The following FAM91A1 variants were observed in gnomAD, a reference collection of about 807,000 sequenced individuals.
FAM91A1 encodes the protein protein FAM91A1.
Under a neutral mutation model 113.5 loss-of-function variants are expected in FAM91A1, and 41 were observed. The observed-to-expected ratio is 0.36, with a 90% confidence interval of 0.28 to 0.47. The LOEUF (loss-of-function observed/expected upper bound fraction) is 0.47, where lower values mean the gene tolerates loss of function less well. FAM91A1 is among the 20% of genes least tolerant of loss of function. The pLI is 1.00. For missense variants in FAM91A1, 696 were observed against 1,001.2 expected (o/e 0.70, Z 4.11); for synonymous variants, 307 against 347.9 (o/e 0.88, Z 1.31).
Position 123,777,887 on chromosome 8 carries a change from T to G in FAM91A1, c.368-138T>G, listed in dbSNP as rs920261156. The G allele has an allele frequency of 4.6e-6, 3 of 657,088 alleles. No homozygotes were observed. The African/African-American group carries it at 5.7e-5, about 12-fold the overall frequency. The allele number at this position is 657,088 out of a possible 1,614,324, so 40.7% of individuals were successfully genotyped here. On this transcript the variant is annotated intron_variant, in intron 4 of 23. Coordinates refer to ENST00000334705, the MANE Select transcript of FAM91A1 (RefSeq NM_144963.4). ...TTCATTTATGTTTTGGTTGAAGACG[T>G]CCTTTTAATTTGATATTGATATTTG...
At chr8:123,776,335 G>A (rs1025299271) in intron 3 of FAM91A1, among the ~76,000 whole-genome samples, 2 of 152,232 alleles carry the variant, frequency 1.3e-5, no homozygotes, top group Non-Finnish European at 2.9e-5. Flanking sequence ...AAGGAGTTGG[G>A]AACGTGTGGT....
intron 3 of FAM91A1, among the ~76,000 whole-genome samples, chr8:123,775,501 G>A (rs907479668): frequency 2.4e-4 from 37 of 152,244 alleles, no homozygotes; most frequent in Non-Finnish European, 5.1e-4. Flanking sequence ...TTTTTACATT[G>A]GGAAGCTGTC....
chr8:123,785,180 A>G, intron 10 of FAM91A1, 61 bp downstream of exon 10: 5 of 1,310,184 alleles, frequency 3.8e-6, no homozygotes, highest in Non-Finnish European at 5.3e-6. Context: ...TTACTAGTAG[A>G]TTTTTATCTT....
rs1321541262 is a variant in FAM91A1, at chr8:123,805,263, T to G, written c.1810-4T>G. The G allele has an allele frequency of 1.9e-6, 3 of 1,608,768 alleles. No homozygotes were observed. The highest frequency in any genetic ancestry group is 4.5e-5 in the East Asian group (2 of 44,762). On this transcript the variant is annotated splice_region_variant and splice_polypyrimidine_tract_variant and intron_variant, in intron 18 of 23. Transcript: ENST00000334705. ...TATACCTTTTAACTTTTGTTTATGT[T>G]TAGGGGCATGGTCTGCATGGGATAG...
Position 123,809,008 on chromosome 8 carries a change from A to G in FAM91A1, c.2253A>G (p.Arg751=), listed in dbSNP as rs1316904998. The change falls in exon 22 of 24, where the codon AGA becomes AGG. Residue 751 remains arginine, a synonymous_variant. Transcript: ENST00000334705. The part of the protein sequence containing the change: ...CRKIAAHGLC[R]KESLQNLLHS... Reference sequence around the variant, plus strand: ...AAATTGCTGCACATGGCCTTTGCAGAAAAGAGAGGTGAGGGTTTATATTCG... The same window carrying G: ...AAATTGCTGCACATGGCCTTTGCAGGAAAGAGAGGTGAGGGTTTATATTCG... 1.9e-6 allele frequency: 3 copies of G among 1,612,396 alleles called. No individual in the cohort carries two copies. Among genetic ancestry groups the G allele is most frequent in the Admixed American group, 1.7e-5 (1 of 59,934 alleles).
chr8:123,778,932 G>C (rs1257782689), intron 6 of FAM91A1, among the ~76,000 whole-genome samples, 160 bp downstream of exon 6: 2 of 152,042 alleles, frequency 1.3e-5, no homozygotes, highest in African/African-American at 4.8e-5. Flanking sequence ...TAGAATATTG[G>C]TGAGTTTTTG....
At chr8:123,808,710 A>C in intron 21 of FAM91A1, 183 bp from the exon 22 acceptor site, 1 of 556,698 alleles carries the variant, frequency 1.8e-6, no homozygotes, top group Non-Finnish European at 3.0e-6. Flanking sequence ...AAAAATGCCT[A>C]TCCTGTTTAG....
At position 123,776,193 on chromosome 8, in the gene FAM91A1, A is replaced by AT. The variant is rs557555525; in HGVS notation, c.309+896dup. On this transcript the variant is annotated intron_variant, in intron 3 of 23. Coordinates refer to ENST00000334705, the MANE Select transcript of FAM91A1 (RefSeq NM_144963.4). Reference sequence around the variant, plus strand: ...ATTGGATAACTTTAATACTAGTTATATACTGTTTTCAAGTGAGCTTTATTA... The same window carrying AT: ...ATTGGATAACTTTAATACTAGTTATATTACTGTTTTCAAGTGAGCTTTATTA... 8.9e-4 allele frequency among the ~76,000 whole-genome samples: 136 copies of AT among 152,326 alleles called. No homozygotes were observed. In the Middle Eastern group the frequency reaches 0.01, roughly 11 times the overall value.
At position 123,812,546 on chromosome 8, in the gene FAM91A1, A is replaced by G; in HGVS notation, c.2359A>G (p.Thr787Ala). 2.5e-6 allele frequency: 4 copies of G among 1,592,304 alleles called. No individual in the cohort carries two copies. Among genetic ancestry groups the G allele is most frequent in the Non-Finnish European group, 3.4e-6 (4 of 1,172,906 alleles). Residue 787 changes from threonine (T) to alanine (A), a missense_variant, in exon 24 of 24, where the codon ACA (threonine) becomes GCA (alanine). Transcript: ENST00000334705. Reference protein sequence around the residue: ...QEGASILDIHTEPSFSSLLSQ... With the variant: ...QEGASILDIHAEPSFSSLLSQ... ...AGGTGCTTCAATATTGGATATTCAC[A>G]CAGAGCCCAGTTTTTCAAGTTTGCT...
intron 14 of FAM91A1, among the ~76,000 whole-genome samples, chr8:123,788,829 T>G (rs753895088): frequency 2.8e-4 from 42 of 152,200 alleles, no homozygotes; most frequent in Admixed American, 2.0e-4. Flanking sequence ...AAAGTCATTC[T>G]TGGGAAAGCC....
chr8:123,791,747 C>T (rs546740443), intron 15 of FAM91A1, among the ~76,000 whole-genome samples: 1 of 152,296 alleles, frequency 6.6e-6, no homozygotes, highest in East Asian at 1.9e-4. Flanking sequence ...TAGTACCGTT[C>T]TCAATGCATG....
rs1016175518 is a variant in FAM91A1 at position 123,785,231 on chromosome 8, GCTGT to G, written c.849+116_849+119del. The stretch of plus-strand genomic sequence containing the variant: ...AACGAAGACATTGAGATTGTTGTTA[GCTGT>G]CTGAGAGAACGTGCACAGTAAAGGG... On this transcript the variant is annotated intron_variant, in intron 10 of 23. Transcript: ENST00000334705. The G allele has an allele frequency of 1.6e-4, 147 of 941,072 alleles. 1 individual carries two copies. In the African/African-American group the frequency reaches 2.2e-3, roughly 14 times the overall value. The allele number at this position is 941,072 out of a possible 1,614,324, so 58.3% of individuals were successfully genotyped here. A position where few individuals can be genotyped will look rare whatever the true frequency, so the allele number is the denominator to read the frequency against.
At chr8:123,792,215 C>T (rs183461281) in intron 15 of FAM91A1, among the ~76,000 whole-genome samples, 2 of 152,092 alleles carry the variant, frequency 1.3e-5, no homozygotes, top group East Asian at 1.9e-4. Context: ...GTGTTTTAAG[C>T]GTCTTGTTTG....
chr8:123,772,868 A>G (rs913393233), intron 1 of FAM91A1, among the ~76,000 whole-genome samples: 2 of 152,230 alleles, frequency 1.3e-5, no homozygotes, highest in Admixed American at 6.5e-5. Flanking sequence ...AGAAAATGCT[A>G]TTATGAAAAT....
intron 14 of FAM91A1, chr8:123,788,243 T>C (rs1211286627): frequency 1.0e-6 from 1 of 985,062 alleles, no homozygotes; most frequent in South Asian, 4.7e-5. Flanking sequence ...ACCACCTTTT[T>C]CCCCGTGAGT....
intron 1 of FAM91A1, among the ~76,000 whole-genome samples, chr8:123,769,771 C>G (rs947946486): frequency 2.0e-5 from 3 of 152,068 alleles, no homozygotes; most frequent in Non-Finnish European, 2.9e-5. Flanking sequence ...TTAAGTCTTA[C>G]GAAAGTAGTG....
rs1586402968 is a variant in FAM91A1, at chr8:123,815,118, A to G, written c.*2414A>G. 2.6e-5 allele frequency: 4 copies of G among 152,758 alleles called. No individual in the cohort carries two copies. The South Asian group carries it at 8.3e-4, about 32-fold the overall frequency. The allele number at this position is 152,758 out of a possible 1,614,324, so 9.5% of individuals were successfully genotyped here. On this transcript the variant is annotated 3_prime_UTR_variant, in exon 24 of 24. Coordinates refer to ENST00000334705, the MANE Select transcript of FAM91A1 (RefSeq NM_144963.4). ...TGGATTTGAAGAAATGCAACTTTAT[A>G]TCAAAAAATGTCATCTGATTTCCTT... is the stretch of plus-strand genomic sequence containing the variant.
chr8:123,785,860 C>A, intron 11 of FAM91A1, 119 bp downstream of exon 11: 1 of 633,124 alleles, frequency 1.6e-6, no homozygotes. Flanking sequence ...CTCTGTCATC[C>A]AGGCTGGAGT....
At chr8:123,774,279 T>C (rs1285332581) in intron 2 of FAM91A1, 115 bp downstream of exon 2, 1 of 771,178 alleles carries the variant, frequency 1.3e-6, no homozygotes, top group Non-Finnish European at 2.0e-6. Flanking sequence ...GTACAGACTT[T>C]AAGAAACTCT....
Sources: allele counts gnomAD v4.1 joint callset (sites outside exome capture counted in the v4.1 genomes callset), GRCh38; gene constraint gnomAD v4.1.1; transcripts MANE v1.5; gene names NCBI Gene and HGNC (gene_info 2026-07-23, HGNC 2026-07-21).